FRMD8: variants seen among roughly 807,000 people sequenced by gnomAD.
The protein encoded by FRMD8 is FERM domain-containing protein 8.
In FRMD8, 37 loss-of-function variants were observed where a neutral mutation model predicts 54.2. The ratio of observed to expected loss-of-function variants is 0.68; its 90% confidence interval spans 0.53 to 0.90. The LOEUF is 0.90. FRMD8 is among the 40% of genes least tolerant of loss of function. FRMD8 has a pLI of 0.00. For synonymous variants in FRMD8, 246 were observed against 286.9 expected, an observed-to-expected ratio of 0.86 and a Z score of 1.44; for missense variants, 585 against 653.7, an observed-to-expected ratio of 0.89 and a Z score of 1.15.
At chr11:65,369,693 C>T in the FRMD8 span, among the ~76,000 whole-genome samples, 7 of 151,540 alleles carry the variant, frequency 4.6e-5, no homozygotes, top group East Asian at 1.9e-4. Flanking sequence ...AGCCACTGCA[C>T]TCCAGCCTGG....
At position 65,400,632 on chromosome 11, in the gene FRMD8, C is replaced by T; in HGVS notation, c.928-92C>T. ...AAATGTAGACTCAGCCTTGGAGAGG[C>T]ACACACCCTGGCCAGGTGTCTGAGT... On this transcript the variant is annotated intron_variant, in intron 8 of 10. Transcript: ENST00000317568. This position sits in a 1 kb window ranked among gnomAD's most constrained non-coding sequence, Gnocchi z 4.3. The T allele has an allele frequency of 7.7e-7, 1 of 1,294,668 alleles. No individual in the cohort carries two copies. Among genetic ancestry groups the T allele is most frequent in the Non-Finnish European group, 1.0e-6 (1 of 961,884 alleles). 80.2% of individuals were successfully genotyped at this position (1,294,668 alleles called of 1,614,324 possible).
In FRMD8 at chr11:65,404,123, C is replaced by CA. The variant is rs1488892618; in HGVS notation, c.1072-740dup. On this transcript the variant is annotated intron_variant, in intron 9 of 10. Transcript: ENST00000317568. The surrounding 1 kb of genome is among the most constrained non-coding windows in gnomAD (Gnocchi z 4.7). ...GAGGCAGGAGCCAGGCCAGTCTCCGCAGGGCCACTCCAGCATCTGACCCAG... is the reference window on the plus strand; with the variant it reads ...GAGGCAGGAGCCAGGCCAGTCTCCGCAAGGGCCACTCCAGCATCTGACCCAG... Among the ~76,000 whole-genome samples, 1 of 152,190 alleles carries CA rather than the reference C, an allele frequency of 6.6e-6. No homozygotes were observed. Among genetic ancestry groups the CA allele is most frequent in the African/African-American group, 2.4e-5 (1 of 41,452 alleles).
chr11:65,393,355 T>C (rs1470633966), intron 3 of FRMD8, among the ~76,000 whole-genome samples: 4 of 152,220 alleles, frequency 2.6e-5, no homozygotes, highest in Non-Finnish European at 5.9e-5. Context: ...TCGCTTGCTG[T>C]GTGACTGTGG....
At position 65,411,279 on chromosome 11, in the gene FRMD8, A is replaced by G; in HGVS notation, c.1314A>G (p.Thr438=). Residue 438 remains threonine, a synonymous_variant, in exon 11 of 11, where the codon ACA becomes ACG. Transcript: ENST00000317568. The part of the protein sequence containing the change: ...GIRRVKPKRT[T]SFFSRQLSLG... ...GGCGAGTGAAGCCGAAGCGCACCAC[A>G]TCCTTCTTCAGCCGGCAGCTGTCCT... The G allele has an allele frequency of 1.2e-6, 2 of 1,609,734 alleles. No individual in the cohort carries two copies. Among genetic ancestry groups the G allele is most frequent in the Non-Finnish European group, 1.7e-6 (2 of 1,179,204 alleles).
chr11:65,393,726 C>T, intron 4 of FRMD8, 52 bp downstream of exon 4: 1 of 1,451,566 alleles, frequency 6.9e-7, no homozygotes, highest in Non-Finnish European at 9.5e-7. Flanking sequence ...GAGTCTGCAT[C>T]TCTGGCTCCC....
the FRMD8 span, chr11:65,379,624 C>T: frequency 5.9e-5 from 88 of 1,501,708 alleles, no homozygotes; most frequent in Non-Finnish European, 7.6e-5. Context: ...TCCTCTCCAC[C>T]CCTGGCAAGG....
At chr11:65,411,196 A>G (rs1341770578) in intron 10 of FRMD8, 46 bp from the exon 11 acceptor site, 1 of 1,489,484 alleles carries the variant, frequency 6.7e-7, no homozygotes, top group Non-Finnish European at 9.1e-7. Flanking sequence ...GCCCCCTCAC[A>G]CAGGGACAGC....
chr11:65,379,845 C>A, the FRMD8 span: 2 of 1,613,988 alleles, frequency 1.2e-6, no homozygotes, highest in Non-Finnish European at 1.7e-6. Flanking sequence ...GGGGAAGGAC[C>A]CCAAAGGAGT....
the FRMD8 span, among the ~76,000 whole-genome samples, chr11:65,374,048 C>A: frequency 6.6e-6 from 1 of 152,182 alleles, no homozygotes; most frequent in Non-Finnish European, 1.5e-5. Flanking sequence ...AGGTGCCTCA[C>A]GCCTGTAATC....
Position 65,404,416 on chromosome 11 carries a change from G to T in FRMD8, c.1072-448G>T, listed in dbSNP as rs1856145136. Among the ~76,000 whole-genome samples the T allele has an allele frequency of 6.6e-6, 1 of 152,048 alleles. No individual in the cohort carries two copies. The highest frequency in any genetic ancestry group is 2.4e-5 in the African/African-American group (1 of 41,392). ...CTGTTGAGTAGGAGTCACTTTTGAAGAACGTGCTGGCAGGGAGCCGCCCGC... is the reference window on the plus strand; with the variant it reads ...CTGTTGAGTAGGAGTCACTTTTGAATAACGTGCTGGCAGGGAGCCGCCCGC... On this transcript the variant is annotated intron_variant, in intron 9 of 10. Transcript: ENST00000317568. The surrounding 1 kb of genome is among the most constrained non-coding windows in gnomAD (Gnocchi z 4.7).
chr11:65,383,867 T>C (rs1428841797), upstream of FRMD8, among the ~76,000 whole-genome samples: 1 of 151,998 alleles, frequency 6.6e-6, no homozygotes, highest in Non-Finnish European at 1.5e-5. Flanking sequence ...CTTGACAAAT[T>C]GGCTCTGTCT....
chr11:65,377,836 G>A, the FRMD8 span: 1 of 152,396 alleles, frequency 6.6e-6, no homozygotes, highest in Non-Finnish European at 1.5e-5. Context: ...TGGAGTCCAG[G>A]TGAGAATCGG....
upstream of FRMD8, among the ~76,000 whole-genome samples, chr11:65,385,785 G>A (rs1855719272): frequency 6.6e-6 from 1 of 151,488 alleles, no homozygotes; most frequent in Non-Finnish European, 1.5e-5. Context: ...TTCTGATTTA[G>A]ACATATATAT....
the FRMD8 span, chr11:65,368,082 G>T: frequency 0.93 from 105,641 of 113,044 alleles, 49,127 homozygotes; most frequent in East Asian, 0.97. Context: ...TTTTTTTTTT[G>T]TTTTTTTTTT....
chr11:65,398,840 A>G (rs560478824), intron 7 of FRMD8, among the ~76,000 whole-genome samples: 6 of 152,230 alleles, frequency 3.9e-5, no homozygotes, highest in African/African-American at 1.4e-4. Context: ...CAGGAATTCA[A>G]GGTGGCCCAT....
chr11:65,383,773 A>AAAC (rs1491220339), upstream of FRMD8: 3 of 97,770 alleles, frequency 3.1e-5, no homozygotes, highest in Non-Finnish European at 7.5e-5. Context: ...AAAAAAACAA[A>AAAC]CAAACAAACA....
At chr11:65,411,187 C>T in intron 10 of FRMD8, 55 bp from the exon 11 acceptor site, 5 of 1,423,950 alleles carry the variant, frequency 3.5e-6, no homozygotes, top group Non-Finnish European at 4.8e-6. Flanking sequence ...TGGGCCTGAG[C>T]CCCCTCACAC....
At chr11:65,373,112 G>A in the FRMD8 span, among the ~76,000 whole-genome samples, 3 of 152,144 alleles carry the variant, frequency 2.0e-5, no homozygotes, top group Non-Finnish European at 2.9e-5. Flanking sequence ...AAATTAGCCG[G>A]GCATGGTGGC....
In FRMD8 at chr11:65,411,543, CTGGCCAGG is replaced by C. The variant is rs1856334316; in HGVS notation, c.*184_*191del. ...GGGGCCATGCCCGGGCTGTGCAAAG[CTGGCCAGG>C]GCCTCCTGTAGGGCTCCTCTGCAGC... is the stretch of plus-strand genomic sequence containing the variant. On this transcript the variant is annotated 3_prime_UTR_variant, in exon 11 of 11. Coordinates refer to ENST00000317568, the MANE Select transcript of FRMD8 (RefSeq NM_031904.5). 1 of 482,758 alleles carries C rather than the reference CTGGCCAGG, an allele frequency of 2.1e-6. No homozygotes were observed. Among genetic ancestry groups the C allele is most frequent in the South Asian group, 3.1e-5 (1 of 31,976 alleles). The allele number at this position is 482,758 out of a possible 1,614,324, so 29.9% of individuals were successfully genotyped here.
Sources: allele counts gnomAD v4.1 joint callset (sites outside exome capture counted in the v4.1 genomes callset), GRCh38; gene constraint gnomAD v4.1.1; non-coding constraint Gnocchi (gnomAD v3.1); transcripts MANE v1.5; gene names NCBI Gene and HGNC (gene_info 2026-07-23, HGNC 2026-07-21).